KDM5A: variants seen among roughly 807,000 people sequenced by gnomAD.
KDM5A encodes the protein lysine-specific demethylase 5A.
KDM5A carries 42 observed loss-of-function variants against 193.5 expected under a neutral mutation model. The ratio of observed to expected loss-of-function variants is 0.22; its 90% CI spans 0.17 to 0.28. The LOEUF (loss-of-function observed/expected upper bound fraction) is 0.28, where lower values mean the gene tolerates loss of function less well. Among genes scored for constraint, KDM5A ranks in the 10% least tolerant of loss-of-function variants. The pLI is 1.00. For synonymous variants in KDM5A, 796 were observed against 718.1 expected (o/e 1.11, Z -1.73); for missense variants, 1,692 against 2,055.1 (o/e 0.82, Z 3.42).
At chr12:300,420 C>G (rs1943427575) in intron 24 of KDM5A, among the ~76,000 whole-genome samples, 1 of 152,202 alleles carries the variant, frequency 6.6e-6, no homozygotes, top group Non-Finnish European at 1.5e-5. Context: ...TAACAACCTG[C>G]TCCTGAATGA....
intron 5 of KDM5A, among the ~76,000 whole-genome samples, chr12:361,016 CTTTA>C (rs781362132): frequency 5.9e-5 from 9 of 152,058 alleles, no homozygotes; most frequent in Non-Finnish European, 1.2e-4. Flanking sequence ...ACCAGAAAGC[CTTTA>C]TTTTCTTTCT....
chr12:367,269 AG>A (rs1944369319), intron 3 of KDM5A, among the ~76,000 whole-genome samples: 1 of 152,192 alleles, frequency 6.6e-6, no homozygotes, highest in African/African-American at 2.4e-5. Flanking sequence ...AAAAAGTTAA[AG>A]CCAGGCATAG....
At chr12:302,921 C>T (rs968158885) in intron 24 of KDM5A, among the ~76,000 whole-genome samples, 5 of 152,194 alleles carry the variant, frequency 3.3e-5, no homozygotes, top group Admixed American at 6.5e-5. Context: ...AAAAAATGCT[C>T]ATCATCACTG....
intron 3 of KDM5A, among the ~76,000 whole-genome samples, chr12:374,648 G>A (rs1372065144): frequency 1.3e-5 from 2 of 152,184 alleles, no homozygotes; most frequent in Admixed American, 1.3e-4. Flanking sequence ...CTCGTTAGTT[G>A]ATGCAGTTTC....
At chr12:304,476 A>G (rs1186401064) in intron 24 of KDM5A, among the ~76,000 whole-genome samples, 2 of 144,716 alleles carry the variant, frequency 1.4e-5, no homozygotes, top group South Asian at 2.2e-4. Flanking sequence ...TCATTCAAAG[A>G]TATCAACATC....
intron 5 of KDM5A, among the ~76,000 whole-genome samples, chr12:358,011 TCAC>T (rs1044553371): frequency 6.6e-6 from 1 of 151,950 alleles, no homozygotes; most frequent in Admixed American, 6.6e-5. Flanking sequence ...CCTGGGCCCT[TCAC>T]CAATCCTAGA....
rs2137502067 is a variant in KDM5A, at chr12:385,940, C to G, written c.200G>C (p.Ser67Thr). ...CTGGACTCTTGGAGTGAAACGAAAGCTTTTTACTTCACAGGCAAATGGAGG... is the reference window on the plus strand; with the variant it reads ...CTGGACTCTTGGAGTGAAACGAAAGGTTTTTACTTCACAGGCAAATGGAGG... Reference protein sequence around the residue: ...WQPPFACEVKSFRFTPRVQRL... With the variant: ...WQPPFACEVKTFRFTPRVQRL... The change falls in exon 2 of 28, where the codon AGC (serine) becomes ACC (threonine). Residue 67 changes from serine (S) to threonine (T), a missense_variant. Ser to Thr is a moderately conservative substitution (Grantham distance 58, BLOSUM62 1). Transcript: ENST00000399788. 6.2e-7 allele frequency: 1 copy of G among 1,613,878 alleles called. No homozygotes were observed. Among genetic ancestry groups the G allele is most frequent in the African/African-American group, 1.3e-5 (1 of 75,032 alleles).
At chr12:289,714 CAAA>C (rs774919490) in intron 27 of KDM5A, among the ~76,000 whole-genome samples, 7 of 79,084 alleles carry the variant, frequency 8.9e-5, no homozygotes, top group African/African-American at 9.0e-5. Context: ...GACCCTGTCT[CAAA>C]AAAAAAAAAA....
chr12:389,118 C>T lies in KDM5A; in HGVS notation c.-27G>A, dbSNP rs1391246618. ...GCAACGGCCGGGGGGGGGGGGGGGTCCCCGTGGGGAACCGGTGGAGAAAAG... is the reference window on the plus strand; with the variant it reads ...GCAACGGCCGGGGGGGGGGGGGGGTTCCCGTGGGGAACCGGTGGAGAAAAG... On this transcript the variant is annotated 5_prime_UTR_variant, in exon 1 of 28. Coordinates refer to ENST00000399788, the MANE Select transcript of KDM5A (RefSeq NM_001042603.3). The T allele has an allele frequency of 3.3e-6, 5 of 1,533,600 alleles. No individual in the cohort carries two copies. Among genetic ancestry groups the T allele is most frequent in the Non-Finnish European group, 4.4e-6 (5 of 1,141,178 alleles). 95.0% of individuals were successfully genotyped at this position (1,533,600 alleles called of 1,614,324 possible).
rs1450961281 is a variant in KDM5A at position 307,885 on chromosome 12, G to A, written c.3499C>T (p.Arg1167Cys). 1.1e-5 allele frequency: 18 copies of A among 1,613,926 alleles called. No individual in the cohort carries two copies. The highest frequency in any genetic ancestry group is 2.2e-5 in the East Asian group (1 of 44,894). ...AGCATAAACCCACTGGCTGTCTTGC[G>A]GCAAATGCAAAATTTTACTTCTTCT... ...RIEEVKFCIC[R>C]KTASGFMLQC... Residue 1167 changes from arginine (R) to cysteine (C), a missense_variant, in exon 23 of 28, where the codon CGC becomes TGC. Around this residue, in one of 11 missense-constraint regions of KDM5A, gnomAD observed 965 missense variants for 1,061.0 expected, o/e 0.91. Coordinates refer to ENST00000399788, the MANE Select transcript of KDM5A (RefSeq NM_001042603.3). The surrounding 1 kb of genome is among the most constrained non-coding windows in gnomAD (Gnocchi z 4.3).
intron 10 of KDM5A, among the ~76,000 whole-genome samples, chr12:342,546 G>C (rs555111833): frequency 6.6e-6 from 1 of 151,688 alleles, no homozygotes; most frequent in South Asian, 2.1e-4. Flanking sequence ...TGCAACCTCC[G>C]CCTCCCACGT....
At chr12:296,541 A>G (rs1238997605) in intron 25 of KDM5A, among the ~76,000 whole-genome samples, 5 of 152,198 alleles carry the variant, frequency 3.3e-5, no homozygotes, top group Non-Finnish European at 7.3e-5. Flanking sequence ...GAATTTTATT[A>G]TAAAGAGATA....
At position 283,873 on chromosome 12, in the gene KDM5A, A is replaced by T. The variant is rs1479795308; in HGVS notation, c.*1583T>A. 1 of 233,188 alleles carries T rather than the reference A, an allele frequency of 4.3e-6. No homozygotes were observed. The highest frequency in any genetic ancestry group is 2.2e-5 in the African/African-American group (1 of 45,248). 14.4% of individuals were successfully genotyped at this position (233,188 alleles called of 1,614,324 possible). A position where few individuals can be genotyped will look rare whatever the true frequency, so the allele number is the denominator to read the frequency against. On this transcript the variant is annotated 3_prime_UTR_variant, in exon 28 of 28. Coordinates refer to ENST00000399788, the MANE Select transcript of KDM5A (RefSeq NM_001042603.3). ...TCTAATAAGAGTTTACATACAGCTT[A>T]CCTAATACCTTAAGAAGAACAGAGA... is the stretch of plus-strand genomic sequence containing the variant.
chr12:305,839 T>C (rs1251142633), intron 24 of KDM5A, among the ~76,000 whole-genome samples: 1 of 152,176 alleles, frequency 6.6e-6, no homozygotes, highest in Non-Finnish European at 1.5e-5. Context: ...AATAATTTGT[T>C]GTATCTGCAA....
rs758364650 is a variant in KDM5A, at chr12:354,160, A to T, written c.945T>A (p.Asp315Glu). 1.9e-6 allele frequency: 3 copies of T among 1,611,638 alleles called. No homozygotes were observed. Among genetic ancestry groups the T allele is most frequent in the Non-Finnish European group, 2.5e-6 (3 of 1,177,752 alleles). The part of the protein sequence containing the change: ...EDKLLLCDGC[D>E]DSYHTFCLIP... ...TTAGACAAAATGTATGATAGCTGTC[A>T]TCACATCCATCACACAAAAGCAATT... Residue 315 changes from aspartate (D) to glutamate (E), a missense_variant, in exon 8 of 28, where the codon GAT becomes GAA. Around this residue, in one of 11 missense-constraint regions of KDM5A, gnomAD observed 62 missense variants for 107.1 expected, o/e 0.58. Transcript: ENST00000399788.
chr12:342,242 G>T (rs532728082), intron 10 of KDM5A, among the ~76,000 whole-genome samples: 1 of 152,012 alleles, frequency 6.6e-6, no homozygotes, highest in Non-Finnish European at 1.5e-5. Context: ...TCTTTTAACA[G>T]GAGATAAATT....
At chr12:352,414 C>T in intron 8 of KDM5A, 90 bp from the exon 9 acceptor site, 2 of 1,198,752 alleles carry the variant, frequency 1.7e-6, no homozygotes, top group African/African-American at 1.5e-5. Context: ...TTGATCATTT[C>T]CCTAGGTAAA....
At chr12:366,566 G>C (rs564712272) in intron 3 of KDM5A, among the ~76,000 whole-genome samples, 1 of 152,276 alleles carries the variant, frequency 6.6e-6, no homozygotes, top group Admixed American at 6.5e-5. Flanking sequence ...CATGAATACA[G>C]AGGACAGTTG....
rs146800917 is a variant in KDM5A at position 305,072 on chromosome 12, C to G, written c.4074+1874G>C. Reference sequence around the variant, plus strand: ...CTGTGTGTGGTATAAGCTAGTGTACCTTTCAGCAGACTGCCAATGAATTCT... The same window carrying G: ...CTGTGTGTGGTATAAGCTAGTGTACGTTTCAGCAGACTGCCAATGAATTCT... On this transcript the variant is annotated intron_variant, in intron 24 of 27. Coordinates refer to ENST00000399788, the MANE Select transcript of KDM5A (RefSeq NM_001042603.3). Among the ~76,000 whole-genome samples, 19 of 152,230 alleles carry G rather than the reference C, an allele frequency of 1.2e-4. No individual in the cohort carries two copies. The East Asian group carries it at 3.5e-3, about 28-fold the overall frequency.
Sources: allele counts gnomAD v4.1 joint callset (sites outside exome capture counted in the v4.1 genomes callset), GRCh38; gene constraint gnomAD v4.1.1; regional missense constraint gnomAD v4.1.1; non-coding constraint Gnocchi (gnomAD v3.1); transcripts MANE v1.5; gene names NCBI Gene and HGNC (gene_info 2026-07-23, HGNC 2026-07-21).